Variants in FAM20A observed in about 807,000 individuals in gnomAD.
FAM20A encodes the protein FAM20A golgi associated secretory pathway pseudokinase.
FAM20A carries 42 observed loss-of-function variants against 52.0 expected under a neutral mutation model. That is an observed-to-expected ratio of 0.81 (90% CI 0.63 to 1.04). The LOEUF (loss-of-function observed/expected upper bound fraction) is 1.04, where lower values mean the gene tolerates loss of function less well. Among genes scored for constraint, FAM20A ranks in the 50% least tolerant of loss-of-function variants. The probability of loss-of-function intolerance (pLI) is 0.00; values close to 1 mark genes in which losing one functional copy is unlikely to be tolerated. For missense variants in FAM20A, 742 were observed against 712.7 expected, an observed-to-expected ratio of 1.04 and a Z score of -0.47; for synonymous variants, 304 against 298.9, an observed-to-expected ratio of 1.02 and a Z score of -0.18.
rs1191164866 is a variant in FAM20A at position 68,589,667 on chromosome 17, A to T, written c.404+10596T>A. 2.6e-5 allele frequency among the ~76,000 whole-genome samples: 4 copies of T among 152,318 alleles called. No homozygotes were observed. The East Asian group carries it at 7.7e-4, about 29-fold the overall frequency. On this transcript the variant is annotated intron_variant, in intron 1 of 10. Coordinates refer to ENST00000592554, the MANE Select transcript of FAM20A (RefSeq NM_017565.4). ...ATTGCAAATCAGTGGTTTAAAAAAA[A>T]TTTCTAGAAGTGGCAGCTTCTTTTC...
chr17:68,541,065 C>T, intron 7 of FAM20A, 107 bp from the exon 8 acceptor site: 1 of 1,513,226 alleles, frequency 6.6e-7, no homozygotes. Context: ...CCTGATCCTG[C>T]CCTGGGCTGG....
intron 1 of FAM20A, among the ~76,000 whole-genome samples, chr17:68,591,300 C>G (rs969889959): frequency 6.6e-6 from 1 of 152,110 alleles, no homozygotes; most frequent in Non-Finnish European, 1.5e-5. Flanking sequence ...GGGGTTTCAC[C>G]GTGTTAGCCA....
chr17:68,575,508 A>ATATATTTTATATAT (rs2087714076), intron 1 of FAM20A, among the ~76,000 whole-genome samples: 1 of 110,828 alleles, frequency 9.0e-6, no homozygotes, highest in Non-Finnish European at 1.7e-5. Context: ...ATTAGATATT[A>ATATATTTTATATAT]TATATTTTAT....
rs147079634 is a variant in FAM20A at position 68,541,592 on chromosome 17, C to T, written c.1109+393G>A. ...GGGATACAGCAGTGAGGTCCTTGGT[C>T]TCCCAGGGCTTGCTCGGGAACCAGG... On this transcript the variant is annotated intron_variant, in intron 7 of 10. Transcript: ENST00000592554. 705 of 194,786 alleles carry T rather than the reference C, an allele frequency of 3.6e-3. 3 individuals are homozygous for T. The highest frequency in any genetic ancestry group is 5.7e-3 in the Non-Finnish European group (532 of 93,620). 12.1% of individuals were successfully genotyped at this position (194,786 alleles called of 1,614,324 possible).
At chr17:68,541,054 C>T (rs1015771780) in intron 7 of FAM20A, 96 bp from the exon 8 acceptor site, 6 of 1,534,420 alleles carry the variant, frequency 3.9e-6, no homozygotes, top group Non-Finnish European at 5.3e-6. Context: ...ATCCCTGCCT[C>T]CCTGATCCTG....
chr17:68,597,535 C>A (rs2088487369), intron 1 of FAM20A, among the ~76,000 whole-genome samples: 1 of 152,076 alleles, frequency 6.6e-6, no homozygotes, highest in South Asian at 2.1e-4. Context: ...CAGGTGCCCA[C>A]CACCATGCCC....
intron 5 of FAM20A, 86 bp downstream of exon 5, chr17:68,543,543 G>T: frequency 8.5e-7 from 1 of 1,174,650 alleles, no homozygotes; most frequent in Non-Finnish European, 1.3e-6. Context: ...ATGCCAGGGA[G>T]TTCCCACCTT....
intron 4 of FAM20A, among the ~76,000 whole-genome samples, chr17:68,548,258 G>A (rs1291321943): frequency 6.6e-6 from 1 of 152,160 alleles, no homozygotes; most frequent in Non-Finnish European, 1.5e-5. Context: ...AGCTGGGCAT[G>A]GTGGCACACG....
intron 1 of FAM20A, among the ~76,000 whole-genome samples, chr17:68,564,537 A>G (rs748596433): frequency 2.0e-5 from 3 of 152,172 alleles, no homozygotes; most frequent in Non-Finnish European, 4.4e-5. Context: ...CACCACCACA[A>G]TTTGCATGCC....
intron 1 of FAM20A, among the ~76,000 whole-genome samples, chr17:68,581,332 G>C (rs2087939436): frequency 7.3e-6 from 1 of 137,280 alleles, no homozygotes; most frequent in Non-Finnish European, 1.6e-5. Flanking sequence ...AGTTGAAAAG[G>C]TATCTCCGAA....
At chr17:68,541,505 C>G (rs1262249213) in intron 7 of FAM20A, 1 of 186,348 alleles carries the variant, frequency 5.4e-6, no homozygotes, top group Non-Finnish European at 1.1e-5. Context: ...ACTGATGGAT[C>G]GATTCACTCA....
chr17:68,598,951 C>T (rs1259308822), intron 1 of FAM20A, among the ~76,000 whole-genome samples: 1 of 152,188 alleles, frequency 6.6e-6, no homozygotes, highest in Non-Finnish European at 1.5e-5. Flanking sequence ...ATGACAGTGT[C>T]TGAGAAGCAA....
chr17:68,571,754 C>T (rs150803415), intron 1 of FAM20A, among the ~76,000 whole-genome samples: 191 of 151,600 alleles, frequency 1.3e-3, no homozygotes, highest in African/African-American at 4.2e-3. Context: ...TCCTGTGACA[C>T]GGAAGGATTC....
chr17:68,592,646 T>TA (rs1167859268), intron 1 of FAM20A, among the ~76,000 whole-genome samples: 3 of 152,196 alleles, frequency 2.0e-5, no homozygotes, highest in African/African-American at 7.2e-5. Context: ...CCCAAGCTTT[T>TA]AAAAATCTCA....
chr17:68,575,918 G>T lies in FAM20A; in HGVS notation c.405-20175C>A, dbSNP rs74000762. On this transcript the variant is annotated intron_variant, in intron 1 of 10. Transcript: ENST00000592554. ...TTTCTGAGAACCAAGTCCAAAGGGC[G>T]CCCCCTAAGAATGGCCTTTCCCTTG... Among the ~76,000 whole-genome samples the T allele has an allele frequency of 8.9e-3, 1,336 of 149,926 alleles. 100 individuals are homozygous for T. The South Asian group carries it at 0.15, about 17-fold the overall frequency.
intron 1 of FAM20A, among the ~76,000 whole-genome samples, chr17:68,587,762 C>A (rs1431082446): frequency 6.6e-6 from 1 of 152,074 alleles, no homozygotes; most frequent in Non-Finnish European, 1.5e-5. Context: ...TAATGACATA[C>A]AATTTAAAAG....
At chr17:68,594,247 A>C (rs2088387006) in intron 1 of FAM20A, among the ~76,000 whole-genome samples, 1 of 152,010 alleles carries the variant, frequency 6.6e-6, no homozygotes, top group African/African-American at 2.4e-5. Context: ...AAAATACAAA[A>C]AGTTAGCTGG....
chr17:68,558,356 C>G, intron 1 of FAM20A: 1 of 443,388 alleles, frequency 2.3e-6, no homozygotes, highest in Admixed American at 2.4e-5. Flanking sequence ...GATGTTTGTC[C>G]CCTCCAAATC....
chr17:68,544,635 G>A (rs1384814849), intron 4 of FAM20A, among the ~76,000 whole-genome samples: 2 of 152,192 alleles, frequency 1.3e-5, no homozygotes, highest in East Asian at 1.9e-4. Context: ...CAAAAAACAC[G>A]AGTGAGTCCT....
Sources: allele counts gnomAD v4.1 joint callset (sites outside exome capture counted in the v4.1 genomes callset), GRCh38; gene constraint gnomAD v4.1.1; transcripts MANE v1.5; gene names NCBI Gene and HGNC (gene_info 2026-07-23, HGNC 2026-07-21).